Variants in USH2A observed in about 807,000 individuals in gnomAD.
The protein encoded by USH2A is Usher syndrome 2A (autosomal recessive, mild).
A neutral mutation model predicts 538.9 loss-of-function variants in USH2A; 443 were observed. That is an observed-to-expected ratio of 0.82 (90% confidence interval 0.76 to 0.89). The LOEUF is 0.89. Among genes scored for constraint, USH2A ranks in the 40% least tolerant of loss-of-function variants. The pLI is 0.00. For synonymous variants in USH2A, 2,413 were observed against 2,273.5 expected (o/e 1.06, Z -1.75); for missense variants, 6,633 against 6,324.8 (o/e 1.05, Z -1.65).
At chr1:215,869,644 T>A (rs1455910923) in intron 43 of USH2A, among the ~76,000 whole-genome samples, 1 of 152,192 alleles carries the variant, frequency 6.6e-6, no homozygotes, top group Admixed American at 6.5e-5. Flanking sequence ...ATAAAATGAC[T>A]TAAAAGAAAT....
chr1:216,060,272 G>T (rs1015438386), intron 30 of USH2A, among the ~76,000 whole-genome samples: 13 of 152,148 alleles, frequency 8.5e-5, no homozygotes, highest in African/African-American at 2.9e-4. Flanking sequence ...CCCCAAATCT[G>T]CATTTTATAA....
chr1:215,640,685 C>T lies in USH2A; in HGVS notation c.14841G>A (p.Val4947=). 6.2e-7 allele frequency: 1 copy of T among 1,613,898 alleles called. No individual in the cohort carries two copies. The highest frequency in any genetic ancestry group is 8.5e-7 in the Non-Finnish European group (1 of 1,179,994). Residue 4947 remains valine, a synonymous_variant, in exon 68 of 72, where the codon GTG becomes GTA. Coordinates refer to ENST00000307340, the MANE Select transcript of USH2A (RefSeq NM_206933.4). ...GGAAGGTGTCACTCCAGTTCACACA[C>T]ACCACAGACAAATTGCTGTCCACCG... ...PFSVDSNLSV[V]CVNWSDTFLL... is the part of the protein sequence containing the mutation.
At chr1:215,789,564 T>C (rs1661914703) in intron 51 of USH2A, among the ~76,000 whole-genome samples, 1 of 152,178 alleles carries the variant, frequency 6.6e-6, no homozygotes, top group Non-Finnish European at 1.5e-5. Flanking sequence ...AGCCTATTCA[T>C]TCACTTTTGA....
chr1:215,636,855 C>A (rs1656510930), intron 69 of USH2A, among the ~76,000 whole-genome samples: 1 of 152,116 alleles, frequency 6.6e-6, no homozygotes, highest in Non-Finnish European at 1.5e-5. Context: ...CAGAGCATTG[C>A]ACAATCCTCA....
chr1:216,415,575 G>C (rs1160757327), intron 3 of USH2A, among the ~76,000 whole-genome samples: 1 of 142,342 alleles, frequency 7.0e-6, no homozygotes, highest in Admixed American at 7.3e-5. Flanking sequence ...GAATGCAGTG[G>C]CATGATCATG....
chr1:215,892,851 T>C (rs1665242507), intron 40 of USH2A, among the ~76,000 whole-genome samples: 1 of 152,178 alleles, frequency 6.6e-6, no homozygotes, highest in African/African-American at 2.4e-5. Context: ...GCTGTTGGAA[T>C]TGGAAGGACA....
At chr1:216,363,051 T>C (rs1291882179) in intron 4 of USH2A, among the ~76,000 whole-genome samples, 1 of 151,954 alleles carries the variant, frequency 6.6e-6, no homozygotes, top group African/African-American at 2.4e-5. Context: ...TGGCCAATTT[T>C]TAGTGTGCGA....
At position 216,422,166 on chromosome 1, in the gene USH2A, T is replaced by C. The variant is rs769864111; in HGVS notation, c.171A>G (p.Val57=). Residue 57 remains valine (V), a synonymous_variant, in exon 2 of 72, where the codon GTA becomes GTG. Coordinates refer to ENST00000307340, the MANE Select transcript of USH2A (RefSeq NM_206933.4). The part of the protein sequence containing the change: ...KKVSIVPTQA[V]CGLPDRSTFC... ...AAGTGCTTCGGTCTGGGAGTCCACA[T>C]ACTGCTTGGGTTGGCACGATGGAAA... 6.2e-6 allele frequency: 10 copies of C among 1,613,632 alleles called. No homozygotes were observed. Among genetic ancestry groups the C allele is most frequent in the Non-Finnish European group, 8.5e-7 (1 of 1,179,840 alleles).
chr1:215,796,100 T>C (rs1363166471), intron 50 of USH2A, among the ~76,000 whole-genome samples: 2 of 152,218 alleles, frequency 1.3e-5, no homozygotes, highest in Non-Finnish European at 2.9e-5. Context: ...TTAATTTTCT[T>C]TCTGAGTCTG....
Position 215,766,801 on chromosome 1 carries a change from A to G in USH2A, c.10940-13T>C. 2 of 1,608,766 alleles carry G rather than the reference A, an allele frequency of 1.2e-6. No homozygotes were observed. Among genetic ancestry groups the G allele is most frequent in the South Asian group, 2.2e-5 (2 of 90,984 alleles). ...TATGGCTGGAGACCTAGAAAAAGCA[A>G]GCAAGAAATAAAGTGCACCTTAAGA... On this transcript the variant is annotated splice_polypyrimidine_tract_variant and intron_variant, in intron 55 of 71. Transcript: ENST00000307340.
chr1:215,923,604 A>G (rs1666156059), intron 38 of USH2A, among the ~76,000 whole-genome samples: 1 of 152,074 alleles, frequency 6.6e-6, no homozygotes, highest in Non-Finnish European at 1.5e-5. Flanking sequence ...GATGCAGTCA[A>G]CTTCACACAC....
intron 13 of USH2A, among the ~76,000 whole-genome samples, chr1:216,237,511 A>AAAAG (rs1553319118): frequency 1.3e-5 from 2 of 151,466 alleles, no homozygotes; most frequent in South Asian, 4.2e-4. Flanking sequence ...AAAAAAAAAA[A>AAAAG]AAAGAAAGAA....
intron 30 of USH2A, among the ~76,000 whole-genome samples, chr1:216,050,576 C>CCTTTCCTTTCCTTTCCT: frequency 3.4e-5 from 1 of 29,554 alleles, no homozygotes; most frequent in Non-Finnish European, 8.9e-5. Context: ...TTCTTTCTTT[C>CCTTTCCTTTCCTTTCCT]TTTCTTTCTT....
At chr1:215,774,682 C>T (rs189546729) in intron 55 of USH2A, among the ~76,000 whole-genome samples, 52 of 151,896 alleles carry the variant, frequency 3.4e-4, no homozygotes, top group African/African-American at 1.1e-3. Context: ...GTTGCTCAAA[C>T]GTGAGACAAT....
intron 61 of USH2A, among the ~76,000 whole-genome samples, chr1:215,726,487 A>T (rs1280212869): frequency 6.6e-6 from 1 of 152,178 alleles, no homozygotes; most frequent in Non-Finnish European, 1.5e-5. Flanking sequence ...TTAAACTATT[A>T]ATTTAAAAGG....
intron 21 of USH2A, among the ~76,000 whole-genome samples, chr1:216,156,296 T>TTTTC (rs1491185269): frequency 0.27 from 807 of 2,990 alleles, 10 homozygotes; most frequent in African/African-American, 0.43. Context: ...TTTTTTTTTC[T>TTTTC]TTTTTTTTTT....
At chr1:216,044,284 G>T (rs1423702672) in intron 32 of USH2A, among the ~76,000 whole-genome samples, 1 of 152,056 alleles carries the variant, frequency 6.6e-6, no homozygotes. Context: ...GGTTCTAAAA[G>T]TTATGATATC....
intron 4 of USH2A, among the ~76,000 whole-genome samples, chr1:216,355,263 A>G (rs2038361361): frequency 6.6e-6 from 1 of 150,806 alleles, no homozygotes; most frequent in African/African-American, 2.4e-5. Flanking sequence ...AGATCGCACC[A>G]CTGCACTCCA....
intron 21 of USH2A, among the ~76,000 whole-genome samples, chr1:216,161,152 G>C (rs545627580): frequency 6.6e-6 from 1 of 151,904 alleles, no homozygotes; most frequent in Non-Finnish European, 1.5e-5. Flanking sequence ...GAACTTTTAT[G>C]CTTATTTGGG....
Sources: gnomAD v4.1 joint callset for allele counts (sites outside exome capture counted in the v4.1 genomes callset) on GRCh38, gnomAD v4.1.1 for gene constraint, MANE v1.5 for transcripts, NCBI Gene and HGNC (gene_info 2026-07-23, HGNC 2026-07-21) for gene names.